Variants in SP1 observed in about 807,000 individuals in gnomAD.
SP1 encodes the protein Sp1 transcription factor.
In SP1, 6 loss-of-function variants were observed where a neutral mutation model predicts 66.3. The ratio of observed to expected loss-of-function variants is 0.09; its 90% CI spans 0.05 to 0.18. The LOEUF (loss-of-function observed/expected upper bound fraction) is 0.18, where lower values mean the gene tolerates loss of function less well. Ranked by LOEUF, SP1 falls within the 10% of genes least tolerant of loss-of-function variation. The pLI, the probability that SP1 is intolerant of heterozygous loss-of-function variation, is 1.00. For synonymous variants in SP1, 417 were observed against 360.8 expected (o/e 1.16, Z -1.77); for missense variants, 848 against 964.5 (o/e 0.88, Z 1.60).
rs970912512 is a variant in SP1 at position 53,415,509 on chromosome 12, A to G, written c.*4269A>G. 3 of 152,396 alleles carry G rather than the reference A, an allele frequency of 2.0e-5. No homozygotes were observed. Among genetic ancestry groups the G allele is most frequent in the African/African-American group, 7.2e-5 (3 of 41,386 alleles). 9.4% of individuals were successfully genotyped at this position (152,396 alleles called of 1,614,324 possible). A position where few individuals can be genotyped will look rare whatever the true frequency, so the allele number is the denominator to read the frequency against. ...ATTTTCTCCACAGTGTTCATTTGAA[A>G]GAGGAGTATTTTGTCCCATTTTCCC... On this transcript the variant is annotated 3_prime_UTR_variant, in exon 6 of 6. Coordinates refer to ENST00000327443, the MANE Select transcript of SP1 (RefSeq NM_138473.3).
At chr12:53,401,533 CAT>C (rs1281771257) in intron 3 of SP1, among the ~76,000 whole-genome samples, 2 of 149,856 alleles carry the variant, frequency 1.3e-5, no homozygotes, top group East Asian at 3.9e-4. Context: ...ACTGGCAAGA[CAT>C]ATTGAGATGT....
chr12:53,388,361 C>T (rs1297704624), intron 3 of SP1, among the ~76,000 whole-genome samples: 1 of 152,086 alleles, frequency 6.6e-6, no homozygotes, highest in Non-Finnish European at 1.5e-5. Context: ...GGAAGTCTGC[C>T]ATTTAATATG....
At chr12:53,407,098 AC>A (rs1220556174) in intron 4 of SP1, among the ~76,000 whole-genome samples, 1 of 151,760 alleles carries the variant, frequency 6.6e-6, no homozygotes, top group Non-Finnish European at 1.5e-5. Context: ...TGCTGGGATT[AC>A]CAGCGTGAGC....
At chr12:53,394,409 CTT>C (rs59816754) in intron 3 of SP1, among the ~76,000 whole-genome samples, 22 of 114,876 alleles carry the variant, frequency 1.9e-4, no homozygotes, top group African/African-American at 7.3e-4. Flanking sequence ...TTAAAAGTAT[CTT>C]TTTTTTTTTT....
Position 53,400,484 on chromosome 12 carries a change from C to T in SP1, c.1676-6101C>T, listed in dbSNP as rs896681052. On this transcript the variant is annotated intron_variant, in intron 3 of 5. Transcript: ENST00000327443. ...ATGCTGCTATGAATATTTGTTTATA[C>T]GTTTTTGTGTGAACGTATGTTTTAA... Among the ~76,000 whole-genome samples, 9 of 152,042 alleles carry T rather than the reference C, an allele frequency of 5.9e-5. No homozygotes were observed. The South Asian group carries it at 1.2e-3, about 21-fold the overall frequency.
intron 3 of SP1, among the ~76,000 whole-genome samples, chr12:53,389,216 CTTTTTT>C (rs71443297): frequency 3.7e-5 from 4 of 106,714 alleles, no homozygotes; most frequent in Admixed American, 2.1e-4. Flanking sequence ...TTAAAATGAT[CTTTTTT>C]TTTTTTTTTT....
At chr12:53,380,661 A>G (rs1363121274) in intron 1 of SP1, 8 of 989,780 alleles carry the variant, frequency 8.1e-6, no homozygotes, top group African/African-American at 1.7e-5. Flanking sequence ...GCCCGGGCCA[A>G]CCGCCTGCCT....
chr12:53,391,177 T>G (rs1013477482), intron 3 of SP1, among the ~76,000 whole-genome samples: 2 of 152,100 alleles, frequency 1.3e-5, no homozygotes, highest in Non-Finnish European at 2.9e-5. Flanking sequence ...TACAATAGTA[T>G]TATTATCCTT....
intron 3 of SP1, among the ~76,000 whole-genome samples, chr12:53,405,873 A>G (rs1938722683): frequency 6.6e-6 from 1 of 151,772 alleles, no homozygotes; most frequent in South Asian, 2.1e-4. Context: ...CGGGGGAGGG[A>G]TAGCATTAGG....
chr12:53,396,722 A>G (rs1416021302), intron 3 of SP1, among the ~76,000 whole-genome samples: 1 of 152,200 alleles, frequency 6.6e-6, no homozygotes, highest in Non-Finnish European at 1.5e-5. Flanking sequence ...AGACAAATGT[A>G]TGAAATAATA....
intron 3 of SP1, among the ~76,000 whole-genome samples, chr12:53,390,134 T>C (rs1403321620): frequency 6.6e-6 from 1 of 152,216 alleles, no homozygotes; most frequent in African/African-American, 2.4e-5. Flanking sequence ...TTTAAATGTC[T>C]TACCAGTTAT....
At chr12:53,403,298 C>G (rs1938653671) in intron 3 of SP1, among the ~76,000 whole-genome samples, 1 of 152,066 alleles carries the variant, frequency 6.6e-6, no homozygotes, top group South Asian at 2.1e-4. Flanking sequence ...TACTTTCTTT[C>G]CTTTTAAAAT....
At chr12:53,402,454 C>G (rs1396568571) in intron 3 of SP1, among the ~76,000 whole-genome samples, 1 of 150,688 alleles carries the variant, frequency 6.6e-6, no homozygotes, top group Non-Finnish European at 1.5e-5. Flanking sequence ...GAACTCCTGA[C>G]CTCATGATCC....
Position 53,414,133 on chromosome 12 carries a change from T to C in SP1, c.*2893T>C, listed in dbSNP as rs554929934. On this transcript the variant is annotated 3_prime_UTR_variant, in exon 6 of 6. Transcript: ENST00000327443. ...TGAACTTTTGGCTAACAGAAATTAA[T>C]TTAACTGACATGCATATTGATTCTG... The C allele has an allele frequency of 5.3e-5, 8 of 152,342 alleles. No homozygotes were observed. The highest frequency in any genetic ancestry group is 1.9e-4 in the African/African-American group (8 of 41,592). 9.4% of individuals were successfully genotyped at this position (152,342 alleles called of 1,614,324 possible). A position where few individuals can be genotyped will look rare whatever the true frequency, so the allele number is the denominator to read the frequency against.
chr12:53,403,247 C>T (rs1938652383), intron 3 of SP1, among the ~76,000 whole-genome samples: 1 of 152,106 alleles, frequency 6.6e-6, no homozygotes, highest in Non-Finnish European at 1.5e-5. Flanking sequence ...AAATCAAGAA[C>T]CTGGATTTCT....
intron 3 of SP1, among the ~76,000 whole-genome samples, chr12:53,387,217 C>G (rs928112458): frequency 4.6e-5 from 7 of 152,204 alleles, no homozygotes; most frequent in Admixed American, 3.9e-4. Context: ...TCCCAAAGTG[C>G]TGGGATTACA....
intron 3 of SP1, among the ~76,000 whole-genome samples, chr12:53,394,544 G>A (rs1411065639): frequency 8.8e-5 from 13 of 148,218 alleles, no homozygotes; most frequent in Non-Finnish European, 1.3e-4. Flanking sequence ...TTGGGTTTAC[G>A]GATATCGGCC....
intron 3 of SP1, among the ~76,000 whole-genome samples, chr12:53,401,638 A>G (rs78714698): frequency 6.6e-6 from 1 of 152,228 alleles, no homozygotes; most frequent in East Asian, 1.9e-4. Flanking sequence ...GTGTTGATTA[A>G]AGAAAATATT....
At chr12:53,403,099 G>T (rs1938646751) in intron 3 of SP1, among the ~76,000 whole-genome samples, 1 of 151,900 alleles carries the variant, frequency 6.6e-6, no homozygotes, top group Non-Finnish European at 1.5e-5. Flanking sequence ...AGTGGACCAA[G>T]ATTCTACTGC....
Sources: gnomAD v4.1 joint callset for allele counts (sites outside exome capture counted in the v4.1 genomes callset) on GRCh38, gnomAD v4.1.1 for gene constraint, MANE v1.5 for transcripts, NCBI Gene and HGNC (gene_info 2026-07-23, HGNC 2026-07-21) for gene names.